The following ZFPM2 variants were observed in gnomAD, a reference collection of about 807,000 sequenced individuals.
ZFPM2 encodes the protein zinc finger protein, FOG family member 2.
A neutral mutation model predicts 98.6 loss-of-function variants in ZFPM2; 20 were observed. The observed-to-expected ratio is 0.20, with a 90% CI of 0.14 to 0.29. The LOEUF (loss-of-function observed/expected upper bound fraction) is 0.29, where lower values mean the gene tolerates loss of function less well. ZFPM2 is among the 10% of genes least tolerant of loss of function. ZFPM2 has a pLI of 1.00. For missense variants in ZFPM2, 1,310 were observed against 1,388.6 expected, an observed-to-expected ratio of 0.94 and a Z score of 0.90; for synonymous variants, 518 against 502.7, an observed-to-expected ratio of 1.03 and a Z score of -0.41.
At chr8:105,393,333 TTTGC>T (rs1274047587) in intron 1 of ZFPM2, among the ~76,000 whole-genome samples, 2,220 of 92,948 alleles carry the variant, frequency 0.024, 28 homozygotes, top group Non-Finnish European at 0.03. Flanking sequence ...TCTCTCTCTC[TTTGC>T]CTTTCTTTCT....
chr8:105,751,053 A>C (rs1812464381), intron 5 of ZFPM2, among the ~76,000 whole-genome samples: 1 of 152,118 alleles, frequency 6.6e-6, no homozygotes, highest in South Asian at 2.1e-4. Flanking sequence ...TAATTTCTCC[A>C]AAGTATTCTG....
chr8:105,507,037 T>G (rs1813717012), intron 3 of ZFPM2, among the ~76,000 whole-genome samples: 1 of 147,444 alleles, frequency 6.8e-6, no homozygotes, highest in Non-Finnish European at 1.5e-5. Context: ...AACAGCATAA[T>G]AAGAGATAAT....
chr8:105,782,364 C>G (rs1238042177), intron 5 of ZFPM2: 1 of 152,188 alleles, frequency 6.6e-6, no homozygotes, highest in Non-Finnish European at 1.5e-5. Context: ...CAGGACTAAA[C>G]TAAACTAAAC....
chr8:105,524,345 A>G (rs1461100824), intron 3 of ZFPM2, among the ~76,000 whole-genome samples: 5 of 152,152 alleles, frequency 3.3e-5, no homozygotes, highest in Admixed American at 1.3e-4. Flanking sequence ...CATCATTTGC[A>G]GAGTGAATGA....
At chr8:105,730,918 G>A (rs1811919752) in intron 5 of ZFPM2, among the ~76,000 whole-genome samples, 1 of 151,396 alleles carries the variant, frequency 6.6e-6, no homozygotes, top group Non-Finnish European at 1.5e-5. Context: ...AGGATAAGAG[G>A]CTATGACATT....
intron 5 of ZFPM2, among the ~76,000 whole-genome samples, chr8:105,758,754 A>G (rs1363506733): frequency 6.6e-6 from 1 of 152,094 alleles, no homozygotes; most frequent in Non-Finnish European, 1.5e-5. Context: ...TAAGAGTGTT[A>G]TAGAAAGCTA....
At chr8:105,355,137 C>A (rs1030580958) in intron 1 of ZFPM2, among the ~76,000 whole-genome samples, 1 of 152,112 alleles carries the variant, frequency 6.6e-6, no homozygotes, top group Non-Finnish European at 1.5e-5. Context: ...GTTGTAAAAT[C>A]ATTTAAAAAT....
chr8:105,449,762 A>C (rs1247283379), intron 3 of ZFPM2, among the ~76,000 whole-genome samples: 2 of 152,044 alleles, frequency 1.3e-5, no homozygotes, highest in Non-Finnish European at 2.9e-5. Flanking sequence ...TAATAATAAT[A>C]ACTACCTCAT....
chr8:105,346,860 C>T (rs575668204), intron 1 of ZFPM2, among the ~76,000 whole-genome samples: 1 of 152,148 alleles, frequency 6.6e-6, no homozygotes, highest in South Asian at 2.1e-4. Context: ...GATGAGATCA[C>T]GTAGGTGGAG....
intron 5 of ZFPM2, among the ~76,000 whole-genome samples, chr8:105,660,763 A>G (rs6986134): frequency 0.63 from 96,145 of 152,040 alleles, 30,464 homozygotes; most frequent in East Asian, 0.67. Flanking sequence ...CCAGATGGTT[A>G]TTGTGTTTCT....
rs772542775 is a variant in ZFPM2, at chr8:105,801,893, T to C, written c.1811T>C (p.Ile604Thr). ...ALSPNTGQTS[I>T]NLLNPAAHSA... ...AGTCCCAACACTGGCCAAACCTCCA[T>C]AAACCTTCTCAACCCAGCTGCTCAT... The change falls in exon 8 of 8, where the codon ATA becomes ACA. Residue 604 changes from isoleucine (I) to threonine (T), a missense_variant. Physicochemically the swap from Ile to Thr is moderately conservative, Grantham distance 89. Transcript: ENST00000407775. The C allele has an allele frequency of 6.2e-7, 1 of 1,613,940 alleles. No homozygotes were observed. The highest frequency in any genetic ancestry group is 1.1e-5 in the South Asian group (1 of 91,082).
intron 4 of ZFPM2, among the ~76,000 whole-genome samples, chr8:105,616,018 T>C (rs1816407105): frequency 6.6e-6 from 1 of 152,054 alleles, no homozygotes; most frequent in South Asian, 2.1e-4. Flanking sequence ...TACTTAAGAT[T>C]ATGGTATTTA....
intron 5 of ZFPM2, among the ~76,000 whole-genome samples, chr8:105,755,396 T>G (rs1470621975): frequency 6.6e-6 from 1 of 152,134 alleles, no homozygotes; most frequent in Admixed American, 6.6e-5. Flanking sequence ...TAGCTTCCAC[T>G]TGATACCACT....
intron 1 of ZFPM2, among the ~76,000 whole-genome samples, chr8:105,357,956 C>G (rs1812779541): frequency 6.6e-6 from 1 of 152,076 alleles, no homozygotes; most frequent in African/African-American, 2.4e-5. Context: ...GCACAAGGTC[C>G]AAGTTAAAAG....
chr8:105,712,959 G>A (rs1213806971), intron 5 of ZFPM2, among the ~76,000 whole-genome samples: 3 of 151,880 alleles, frequency 2.0e-5, no homozygotes, highest in African/African-American at 4.8e-5. Context: ...AGTTGATTCT[G>A]TCCTAGTGGA....
chr8:105,758,213 T>C (rs2131066668), intron 5 of ZFPM2, among the ~76,000 whole-genome samples: 1 of 152,240 alleles, frequency 6.6e-6, no homozygotes, highest in Non-Finnish European at 1.5e-5. Context: ...GCGGAAATAA[T>C]CACGACTATC....
intron 4 of ZFPM2, among the ~76,000 whole-genome samples, chr8:105,578,411 C>CT (rs1359656383): frequency 1.2e-5 from 1 of 86,484 alleles, no homozygotes; most frequent in African/African-American, 6.2e-5. Context: ...TATTGTTTTA[C>CT]TCCAGTTTCT....
chr8:105,556,859 A>G (rs1363257726), intron 3 of ZFPM2, among the ~76,000 whole-genome samples: 3 of 151,814 alleles, frequency 2.0e-5, no homozygotes, highest in Admixed American at 6.6e-5. Flanking sequence ...AGTAGTTGGG[A>G]TTACAGACAT....
chr8:105,341,343 A>G (rs1199262295), intron 1 of ZFPM2, among the ~76,000 whole-genome samples: 1 of 151,942 alleles, frequency 6.6e-6, no homozygotes, highest in Non-Finnish European at 1.5e-5. Context: ...CAATGACATG[A>G]TTCTGTCCAT....
Sources: allele counts gnomAD v4.1 joint callset (sites outside exome capture counted in the v4.1 genomes callset), GRCh38; gene constraint gnomAD v4.1.1; transcripts MANE v1.5; gene names NCBI Gene and HGNC (gene_info 2026-07-23, HGNC 2026-07-21).